The following LRRC58 variants were observed in gnomAD, a reference collection of about 807,000 sequenced individuals.
LRRC58 encodes leucine-rich repeat-containing protein 58.
In LRRC58, 18 loss-of-function variants were observed where a neutral mutation model predicts 30.6. The observed-to-expected ratio is 0.59, with a 90% CI of 0.41 to 0.87. LRRC58 has a LOEUF of 0.87. LRRC58 is among the 40% of genes least tolerant of loss of function. The pLI is 0.00. For missense variants in LRRC58, 420 were observed against 468.4 expected (o/e 0.90, Z 0.95); for synonymous variants, 221 against 206.0 (o/e 1.07, Z -0.62).
In LRRC58 at chr3:120,325,375, CT is replaced by C. The variant is rs1341568936; in HGVS notation, c.*5824del. On this transcript the variant is annotated 3_prime_UTR_variant, in exon 4 of 4. Transcript: ENST00000295628. ...TCACAGCCAAAGGAACAAGTACATT[CT>C]GGTGAATGCAGATGTTCTTTCCACC... The C allele has an allele frequency of 6.6e-6, 1 of 152,188 alleles. No individual in the cohort carries two copies. Among genetic ancestry groups the C allele is most frequent in the East Asian group, 1.9e-4 (1 of 5,198 alleles). The allele number at this position is 152,188 out of a possible 1,614,324, so 9.4% of individuals were successfully genotyped here.
intron 1 of LRRC58, among the ~76,000 whole-genome samples, chr3:120,344,662 T>C (rs938178460): frequency 1.3e-5 from 2 of 152,190 alleles, no homozygotes; most frequent in Non-Finnish European, 2.9e-5. Flanking sequence ...GAAAAGATTG[T>C]AGAAGAGTAC....
At chr3:120,343,858 C>T (rs1414842469) in intron 1 of LRRC58, among the ~76,000 whole-genome samples, 2 of 151,878 alleles carry the variant, frequency 1.3e-5, no homozygotes, top group East Asian at 1.9e-4. Flanking sequence ...GGTGAAACCC[C>T]GTCTCTACTG....
Position 120,348,838 on chromosome 3 carries a change from G to C in LRRC58, c.406C>G (p.Pro136Ala), listed in dbSNP as rs1936012271. 8 of 1,604,744 alleles carry C rather than the reference G, an allele frequency of 5.0e-6. No individual in the cohort carries two copies. The highest frequency in any genetic ancestry group is 6.8e-6 in the Non-Finnish European group (8 of 1,176,446). The change falls in exon 1 of 4, where the codon CCT (proline) becomes GCT (alanine). Residue 136 changes from proline (P) to alanine (A), a missense_variant. Coordinates refer to ENST00000295628, the MANE Select transcript of LRRC58 (RefSeq NM_001099678.2). ...GCGCGCAGCTCTAAGAGCGAGGCAG[G>C]CACCTCCTGGAAACAGTTGCCGCTG... ...NLSGNCFQEV[P>A]ASLLELRALQ...
intron 1 of LRRC58, among the ~76,000 whole-genome samples, chr3:120,346,113 C>A (rs1330677912): frequency 6.6e-6 from 1 of 152,106 alleles, no homozygotes; most frequent in East Asian, 1.9e-4. Flanking sequence ...CAAAAATTAG[C>A]TGGCGTGATG....
rs928444868 is a variant in LRRC58 at position 120,346,609 on chromosome 3, C to G, written c.500+2135G>C. On this transcript the variant is annotated intron_variant, in intron 1 of 3. Transcript: ENST00000295628. ...TTCTCCCCATGTGATGGAAATAATA[C>G]TTTCCCTGGGTTCCTGTTAGTATAT... 2.6e-5 allele frequency among the ~76,000 whole-genome samples: 4 copies of G among 152,168 alleles called. No homozygotes were observed. In the South Asian group the frequency reaches 6.2e-4, roughly 24 times the overall value.
In LRRC58 at chr3:120,325,266, G is replaced by C. The variant is rs1935657188; in HGVS notation, c.*5934C>G. The C allele has an allele frequency of 6.6e-6, 1 of 152,020 alleles. No individual in the cohort carries two copies. Among genetic ancestry groups the C allele is most frequent in the African/African-American group, 2.4e-5 (1 of 41,364 alleles). The allele number at this position is 152,020 out of a possible 1,614,324, so 9.4% of individuals were successfully genotyped here. A position where few individuals can be genotyped will look rare whatever the true frequency, so the allele number is the denominator to read the frequency against. ...AATTAACCAATTTAGTCATGTTTTT[G>C]CAATACTGCAACAGCAATGTCAATC... is the stretch of plus-strand genomic sequence containing the variant. On this transcript the variant is annotated 3_prime_UTR_variant, in exon 4 of 4. Coordinates refer to ENST00000295628, the MANE Select transcript of LRRC58 (RefSeq NM_001099678.2).
At chr3:120,343,307 G>T (rs1935927115) in intron 1 of LRRC58, among the ~76,000 whole-genome samples, 1 of 152,098 alleles carries the variant, frequency 6.6e-6, no homozygotes, top group African/African-American at 2.4e-5. Context: ...TCGATGATTT[G>T]TGGGAATTAA....
chr3:120,348,616 C>T, intron 1 of LRRC58, 128 bp downstream of exon 1: 1 of 1,121,354 alleles, frequency 8.9e-7, no homozygotes, highest in East Asian at 2.9e-5. Flanking sequence ...GCAGAACTCA[C>T]TACCGCACAG....
chr3:120,348,357 G>C (rs1410061189), intron 1 of LRRC58, among the ~76,000 whole-genome samples: 3 of 152,170 alleles, frequency 2.0e-5, no homozygotes, highest in African/African-American at 7.2e-5. Context: ...AGAGCACCTT[G>C]TACGCCACGC....
chr3:120,334,745 TA>T, intron 3 of LRRC58, 116 bp downstream of exon 3: 1 of 977,232 alleles, frequency 1.0e-6, no homozygotes, highest in Non-Finnish European at 1.5e-6. Context: ...GTCTTTCTCA[TA>T]AATGAGTGAA....
intron 1 of LRRC58, among the ~76,000 whole-genome samples, chr3:120,336,270 G>A (rs1935833659): frequency 1.3e-5 from 2 of 152,164 alleles, no homozygotes; most frequent in Non-Finnish European, 1.5e-5. Flanking sequence ...GAAGATAAAA[G>A]TTTTAAAAAG....
chr3:120,332,799 G>C (rs1040439360), intron 3 of LRRC58, among the ~76,000 whole-genome samples: 25 of 151,746 alleles, frequency 1.6e-4, no homozygotes, highest in African/African-American at 6.1e-4. Context: ...ACCCAGGCTG[G>C]AGTGCAGTGA....
At chr3:120,338,523 G>A (rs763653572) in intron 1 of LRRC58, among the ~76,000 whole-genome samples, 1 of 152,200 alleles carries the variant, frequency 6.6e-6, no homozygotes, top group Non-Finnish European at 1.5e-5. Context: ...AGAAAAAGGG[G>A]GAGCAATCAG....
rs2107620910 is a variant in LRRC58, at chr3:120,330,533, A to G, written c.*667T>C. 6.6e-6 allele frequency: 1 copy of G among 152,304 alleles called. No individual in the cohort carries two copies. Among genetic ancestry groups the G allele is most frequent in the South Asian group, 2.1e-4 (1 of 4,826 alleles). 9.4% of individuals were successfully genotyped at this position (152,304 alleles called of 1,614,324 possible). On this transcript the variant is annotated 3_prime_UTR_variant, in exon 4 of 4. Transcript: ENST00000295628. ...AAGGCACTATAACAGTCATTGCTAG[A>G]TTACATAAGGTTAATAGCAATCATA...
chr3:120,329,948 A>C lies in LRRC58; in HGVS notation c.*1252T>G, dbSNP rs767156035. The C allele has an allele frequency of 1.3e-5, 2 of 151,976 alleles. No individual in the cohort carries two copies. The highest frequency in any genetic ancestry group is 4.8e-5 in the African/African-American group (2 of 41,442). 9.4% of individuals were successfully genotyped at this position (151,976 alleles called of 1,614,324 possible). ...TTGTGAAACTATTTTCCTGCTATAC[A>C]TTAAGGATACAATATATTTAATAAT... On this transcript the variant is annotated 3_prime_UTR_variant, in exon 4 of 4. Transcript: ENST00000295628.
chr3:120,325,340 T>C lies in LRRC58; in HGVS notation c.*5860A>G, dbSNP rs956008385. 4 of 152,236 alleles carry C rather than the reference T, an allele frequency of 2.6e-5. No individual in the cohort carries two copies. The highest frequency in any genetic ancestry group is 5.9e-5 in the Non-Finnish European group (4 of 68,034). The allele number at this position is 152,236 out of a possible 1,614,324, so 9.4% of individuals were successfully genotyped here. On this transcript the variant is annotated 3_prime_UTR_variant, in exon 4 of 4. Transcript: ENST00000295628. ...TGGAACTTACAATAAAAAAGTCTTA[T>C]CCAATTTATTCACAGCCAAAGGAAC...
In LRRC58 at chr3:120,328,828, A is replaced by G. The variant is rs1017761025; in HGVS notation, c.*2372T>C. 3 of 152,246 alleles carry G rather than the reference A, an allele frequency of 2.0e-5. No homozygotes were observed. Among genetic ancestry groups the G allele is most frequent in the Non-Finnish European group, 4.4e-5 (3 of 68,026 alleles). The allele number at this position is 152,246 out of a possible 1,614,324, so 9.4% of individuals were successfully genotyped here. A position where few individuals can be genotyped will look rare whatever the true frequency, so the allele number is the denominator to read the frequency against. On this transcript the variant is annotated 3_prime_UTR_variant, in exon 4 of 4. Transcript: ENST00000295628. ...AAAGATAAAACCGACGGCTAAATGT[A>G]GACTTCATTAAAAATTACCAAAAGA...
intron 1 of LRRC58, among the ~76,000 whole-genome samples, chr3:120,341,838 G>A (rs1935908063): frequency 6.6e-6 from 1 of 151,956 alleles, no homozygotes; most frequent in Non-Finnish European, 1.5e-5. Context: ...TACAGAGCAG[G>A]GAGAAGCCCC....
In LRRC58 at chr3:120,329,040, T is replaced by TTA; in HGVS notation, c.*2158_*2159dup. On this transcript the variant is annotated 3_prime_UTR_variant, in exon 4 of 4. Coordinates refer to ENST00000295628, the MANE Select transcript of LRRC58 (RefSeq NM_001099678.2). Reference sequence around the variant, plus strand: ...AGGAAGCTGGAAAGGGTATGTAAGATTATATATTTACATACCTATCCATTT... The same window carrying TTA: ...AGGAAGCTGGAAAGGGTATGTAAGATTATATATATTTACATACCTATCCATTT... 6.6e-6 allele frequency: 1 copy of TTA among 152,258 alleles called. No individual in the cohort carries two copies. The highest frequency in any genetic ancestry group is 1.5e-5 in the Non-Finnish European group (1 of 68,004). The allele number at this position is 152,258 out of a possible 1,614,324, so 9.4% of individuals were successfully genotyped here.
Sources: allele counts gnomAD v4.1 joint callset (sites outside exome capture counted in the v4.1 genomes callset), GRCh38; gene constraint gnomAD v4.1.1; transcripts MANE v1.5; gene names NCBI Gene and HGNC (gene_info 2026-07-23, HGNC 2026-07-21).